CREB5: variants seen among roughly 807,000 people sequenced by gnomAD.
The protein encoded by CREB5 is cAMP responsive element binding protein 5, also known as cyclic AMP-responsive element-binding protein 5.
Under a neutral mutation model 57.1 loss-of-function variants are expected in CREB5, and 19 were observed. The observed-to-expected ratio is 0.33, with a 90% CI of 0.23 to 0.49. The LOEUF is 0.49. Among genes scored for constraint, CREB5 ranks in the 20% least tolerant of loss-of-function variants. The pLI is 0.99. For missense variants in CREB5, 579 were observed against 671.6 expected, an observed-to-expected ratio of 0.86 and a Z score of 1.52; for synonymous variants, 238 against 238.3, an observed-to-expected ratio of 1.00 and a Z score of 0.01.
intron 5 of CREB5, among the ~76,000 whole-genome samples, chr7:28,716,894 A>G (rs1038994407): frequency 2.0e-5 from 3 of 152,080 alleles, no homozygotes; most frequent in African/African-American, 4.8e-5. Context: ...TTGTCAATCT[A>G]TACTCCAGAG....
chr7:28,423,133 T>C (rs142287651), intron 1 of CREB5, among the ~76,000 whole-genome samples: 16 of 152,318 alleles, frequency 1.1e-4, no homozygotes, highest in African/African-American at 3.4e-4. Flanking sequence ...GCCTCCATGC[T>C]AGCCACATAC....
intron 3 of CREB5, among the ~76,000 whole-genome samples, chr7:28,507,401 C>T (rs945870952): frequency 1.8e-4 from 28 of 152,174 alleles, no homozygotes; most frequent in African/African-American, 6.0e-4. Context: ...CAAAAGCCCT[C>T]GCAGACTACA....
chr7:28,766,241 A>G (rs1366584818), intron 7 of CREB5, among the ~76,000 whole-genome samples: 1 of 152,064 alleles, frequency 6.6e-6, no homozygotes, highest in Admixed American at 6.6e-5. Context: ...ATGAGAAATA[A>G]AAAACAGTCT....
At chr7:28,637,620 G>A (rs1386129614) in intron 5 of CREB5, among the ~76,000 whole-genome samples, 2 of 152,176 alleles carry the variant, frequency 1.3e-5, no homozygotes, top group Non-Finnish European at 2.9e-5. Context: ...GGATCAGAAA[G>A]AGCTGTTTGT....
At chr7:28,516,224 AAAGT>A in intron 4 of CREB5, among the ~76,000 whole-genome samples, 2 of 151,982 alleles carry the variant, frequency 1.3e-5, no homozygotes, top group Non-Finnish European at 2.9e-5. Context: ...TTTTAAAAAA[AAAGT>A]AAAGAAAACA....
intron 1 of CREB5, among the ~76,000 whole-genome samples, chr7:28,366,625 C>CA (rs1020185611): frequency 3.9e-5 from 6 of 152,072 alleles, no homozygotes; most frequent in African/African-American, 9.7e-5. Context: ...TAATTTATCA[C>CA]AAAAAAAGTT....
In CREB5 at chr7:28,822,787, T is replaced by G. The variant is rs550424570; in HGVS notation, c.*3508T>G. On this transcript the variant is annotated 3_prime_UTR_variant, in exon 11 of 11. Transcript: ENST00000357727. ...GAAGCCAGGAGAGGTAGAGTGAAAA[T>G]CCCAGCCATGGATGAATGTACTAAT... The G allele has an allele frequency of 6.6e-6, 1 of 152,540 alleles. No individual in the cohort carries two copies. Among genetic ancestry groups the G allele is most frequent in the East Asian group, 1.9e-4 (1 of 5,184 alleles). The allele number at this position is 152,540 out of a possible 1,614,324, so 9.4% of individuals were successfully genotyped here.
chr7:28,498,334 G>C lies in CREB5; in HGVS notation c.169+3335G>C, dbSNP rs138261973. ...CACATTTTATTTCAGATGAGTTGAG[G>C]CTCATCATATTTTAAGAAGATAAAA... is the stretch of plus-strand genomic sequence containing the variant. On this transcript the variant is annotated intron_variant, in intron 3 of 10. Transcript: ENST00000357727. 3.1e-3 allele frequency among the ~76,000 whole-genome samples: 468 copies of C among 152,166 alleles called. 4 individuals are homozygous for C. Among genetic ancestry groups the C allele is most frequent in the African/African-American group, 0.011 (437 of 41,508 alleles).
chr7:28,588,630 T>C (rs892458067), intron 5 of CREB5, among the ~76,000 whole-genome samples: 2 of 152,168 alleles, frequency 1.3e-5, no homozygotes, highest in African/African-American at 4.8e-5. Context: ...CAAGGACCTG[T>C]TTTTCTCTGG....
intron 5 of CREB5, among the ~76,000 whole-genome samples, chr7:28,575,063 G>T (rs562103339): frequency 1.3e-5 from 2 of 152,300 alleles, no homozygotes; most frequent in East Asian, 3.9e-4. Flanking sequence ...TACCTTTTCT[G>T]TGCCTCTTTA....
chr7:28,515,106 A>G (rs1792888052), intron 4 of CREB5, among the ~76,000 whole-genome samples: 1 of 152,252 alleles, frequency 6.6e-6, no homozygotes, highest in African/African-American at 2.4e-5. Flanking sequence ...ACATATGGAC[A>G]TGAATTAATG....
upstream of CREB5, among the ~76,000 whole-genome samples, chr7:28,412,369 C>A (rs1054182206): frequency 6.6e-6 from 1 of 152,054 alleles, no homozygotes; most frequent in Non-Finnish European, 1.5e-5. Context: ...GCAGCTGAAC[C>A]CTGACAAGTT....
At chr7:28,491,995 T>C (rs1170414321) in intron 2 of CREB5, among the ~76,000 whole-genome samples, 1 of 152,106 alleles carries the variant, frequency 6.6e-6, no homozygotes, top group African/African-American at 2.4e-5. Context: ...TTTTTGTTTT[T>C]TGTCTCGTTT....
chr7:28,640,203 C>T (rs57749366), intron 5 of CREB5, among the ~76,000 whole-genome samples: 6,732 of 152,274 alleles, frequency 0.044, 537 homozygotes, highest in African/African-American at 0.16. Flanking sequence ...CAGAGCGTAA[C>T]TCTCCATCCA....
chr7:28,661,208 C>G (rs1332523287), intron 5 of CREB5, among the ~76,000 whole-genome samples: 1 of 152,094 alleles, frequency 6.6e-6, no homozygotes, highest in African/African-American at 2.4e-5. Flanking sequence ...CTCAGTGAAG[C>G]CTTCTTCAAT....
intron 1 of CREB5, among the ~76,000 whole-genome samples, chr7:28,357,763 A>G (rs1385291425): frequency 6.6e-6 from 1 of 152,206 alleles, no homozygotes; most frequent in African/African-American, 2.4e-5. Context: ...CCAGAAGTTA[A>G]CTGTGGAGGC....
rs140145302 is a variant in CREB5 at position 28,806,837 on chromosome 7, G to T, written c.1026+2315G>T. On this transcript the variant is annotated intron_variant, in intron 8 of 10. Coordinates refer to ENST00000357727, the MANE Select transcript of CREB5 (RefSeq NM_182898.4). ...ATACAGAATTGAAAGATAAGTCCCT[G>T]CAATGGAGATTAAAAATCAATTTTT... 3.8e-3 allele frequency among the ~76,000 whole-genome samples: 586 copies of T among 152,320 alleles called. 2 individuals are homozygous for T. The highest frequency in any genetic ancestry group is 0.013 in the African/African-American group (550 of 41,564).
chr7:28,681,672 G>T (rs918749976), intron 5 of CREB5, among the ~76,000 whole-genome samples: 13 of 152,214 alleles, frequency 8.5e-5, no homozygotes, highest in Non-Finnish European at 1.6e-4. Context: ...TCCATAGCTG[G>T]CTTATTGCTG....
chr7:28,385,156 T>A (rs945511910), intron 1 of CREB5, among the ~76,000 whole-genome samples: 2 of 152,230 alleles, frequency 1.3e-5, no homozygotes, highest in African/African-American at 4.8e-5. Context: ...CTCAGTTCCA[T>A]GTTAACTTGT....
Sources: gnomAD v4.1 joint callset for allele counts (sites outside exome capture counted in the v4.1 genomes callset) on GRCh38, gnomAD v4.1.1 for gene constraint, MANE v1.5 for transcripts, NCBI Gene and HGNC (gene_info 2026-07-23, HGNC 2026-07-21) for gene names.